TBL1XR1: variants seen among roughly 807,000 people sequenced by gnomAD.
TBL1XR1 encodes TBL1X/Y related 1, also known as F-box-like/WD repeat-containing protein TBL1XR1.
Under a neutral mutation model 66.9 loss-of-function variants are expected in TBL1XR1, and 5 were observed. The ratio of observed to expected loss-of-function variants is 0.07; its 90% CI spans 0.04 to 0.16. The LOEUF (loss-of-function observed/expected upper bound fraction) is 0.16. Ranked by LOEUF, TBL1XR1 falls within the 10% of genes least tolerant of loss-of-function variation. TBL1XR1 has a pLI of 1.00. For synonymous variants in TBL1XR1, 210 were observed against 206.0 expected (o/e 1.02, Z -0.17); for missense variants, 238 against 623.2 (o/e 0.38, Z 6.58).
chr3:177,077,262 ATAATAGTT>A lies in TBL1XR1; in HGVS notation c.-45-12248_-45-12241del, dbSNP rs1720810983. Among the ~76,000 whole-genome samples the A allele has an allele frequency of 2.6e-5, 4 of 152,330 alleles. No homozygotes were observed. The South Asian group carries it at 8.3e-4, about 32-fold the overall frequency. Reference sequence around the variant, plus strand: ...TTAAACTGCTTTTGGTAGTCTTATAATAATAGTTTTATTAGTATTATTAACTTGAAACT... The same window carrying A: ...TTAAACTGCTTTTGGTAGTCTTATAATTATTAGTATTATTAACTTGAAACT... On this transcript the variant is annotated intron_variant, in intron 2 of 15. Transcript: ENST00000457928.
Position 177,046,163 on chromosome 3 carries a change from A to G in TBL1XR1, c.891T>C (p.Thr297=). The G allele has an allele frequency of 6.5e-7, 1 of 1,540,470 alleles. No homozygotes were observed. Among genetic ancestry groups the G allele is most frequent in the South Asian group, 1.2e-5 (1 of 80,056 alleles). ...AAGGAAACTGTTGCTTGGCTTCACC[A>G]GTATGTGCGTCCCAAATAATTGTAG... is the stretch of plus-strand genomic sequence containing the variant. ...DKTTIIWDAH[T]GEAKQQFPFH... Residue 297 remains threonine (T), a synonymous_variant, in exon 10 of 16, where the codon ACT becomes ACC. Coordinates refer to ENST00000457928, the MANE Select transcript of TBL1XR1 (RefSeq NM_024665.7).
At chr3:177,163,708 G>C (rs1012389614) in intron 1 of TBL1XR1, among the ~76,000 whole-genome samples, 1 of 152,204 alleles carries the variant, frequency 6.6e-6, no homozygotes, top group Admixed American at 6.5e-5. Context: ...ACTGATGACA[G>C]TGGTTAGCTC....
chr3:177,033,155 A>T lies in TBL1XR1; in HGVS notation c.1251-19T>A, dbSNP rs1714245968. 6.6e-7 allele frequency: 1 copy of T among 1,503,862 alleles called. No individual in the cohort carries two copies. Among genetic ancestry groups the T allele is most frequent in the African/African-American group, 1.4e-5 (1 of 72,212 alleles). 93.2% of individuals were successfully genotyped at this position (1,503,862 alleles called of 1,614,324 possible). On this transcript the variant is annotated intron_variant, in intron 13 of 15. Coordinates refer to ENST00000457928, the MANE Select transcript of TBL1XR1 (RefSeq NM_024665.7). ...GGATGCACTGAAAAAGGAAGGAAAG[A>T]AAGTTAATTTATAAGTAAGGAAATA... is the stretch of plus-strand genomic sequence containing the variant.
At chr3:177,135,611 T>C (rs1444917901) in intron 1 of TBL1XR1, among the ~76,000 whole-genome samples, 3 of 146,998 alleles carry the variant, frequency 2.0e-5, no homozygotes, top group Non-Finnish European at 4.5e-5. Context: ...CTCGATCTCC[T>C]GACCTCGTGA....
At chr3:177,199,453 C>T (rs1215617642), upstream of TBL1XR1, among the ~76,000 whole-genome samples, 1 of 151,234 alleles carries the variant, frequency 6.6e-6, no homozygotes, top group Non-Finnish European at 1.5e-5. Context: ...TAAACTATCT[C>T]GGTGGAGCCA....
intron 1 of TBL1XR1, among the ~76,000 whole-genome samples, chr3:177,181,026 C>A (rs1013241260): frequency 1.3e-4 from 20 of 152,038 alleles, no homozygotes; most frequent in African/African-American, 4.8e-4. Context: ...TGACCCATGG[C>A]ACTGGACCCC....
chr3:177,048,798 T>C (rs999090751), intron 7 of TBL1XR1, among the ~76,000 whole-genome samples: 1 of 152,208 alleles, frequency 6.6e-6, no homozygotes, highest in Non-Finnish European at 1.5e-5. Context: ...CCCACACTTT[T>C]CAAAACTATA....
At chr3:177,041,099 C>G (rs1577001517) in intron 10 of TBL1XR1, 1 of 152,266 alleles carries the variant, frequency 6.6e-6, no homozygotes, top group East Asian at 1.9e-4. Flanking sequence ...GAGTAAGTTG[C>G]AGGCTGTATT....
chr3:177,146,308 G>A (rs1007002175), intron 1 of TBL1XR1, among the ~76,000 whole-genome samples: 1 of 151,838 alleles, frequency 6.6e-6, no homozygotes, highest in Admixed American at 6.6e-5. Flanking sequence ...GTTTTGAGAT[G>A]GGAGTTTTGC....
chr3:177,085,644 T>C (rs893499303), intron 2 of TBL1XR1, among the ~76,000 whole-genome samples: 1 of 151,964 alleles, frequency 6.6e-6, no homozygotes, highest in Admixed American at 6.5e-5. Context: ...TCTAAGACAA[T>C]AGGATGTATA....
chr3:177,027,488 G>A (rs1713307753), intron 14 of TBL1XR1: 1 of 152,114 alleles, frequency 6.6e-6, no homozygotes, highest in Admixed American at 6.6e-5. Context: ...AATATAACAG[G>A]ACAAAGATCA....
At chr3:177,073,121 A>G (rs998209666) in intron 2 of TBL1XR1, among the ~76,000 whole-genome samples, 5 of 152,210 alleles carry the variant, frequency 3.3e-5, no homozygotes, top group African/African-American at 1.2e-4. Context: ...TTAATATCTG[A>G]TACATTTAAT....
chr3:177,038,037 T>C (rs2108435953), intron 12 of TBL1XR1, 61 bp downstream of exon 12: 2 of 1,465,610 alleles, frequency 1.4e-6, no homozygotes, highest in Non-Finnish European at 1.9e-6. Flanking sequence ...GGTCTTAAAA[T>C]GGCCAGAGCA....
chr3:177,026,189 A>C (rs1713097685), intron 15 of TBL1XR1, 184 bp downstream of exon 15: 2 of 580,630 alleles, frequency 3.4e-6, no homozygotes, highest in South Asian at 2.3e-5. Context: ...AGGACAGCCT[A>C]AATTTTGTTT....
chr3:177,082,738 T>TTGTATATATATATATA (rs1450061640), intron 2 of TBL1XR1, among the ~76,000 whole-genome samples: 2 of 63,234 alleles, frequency 3.2e-5, no homozygotes, highest in African/African-American at 1.3e-4. Context: ...AAGATAGAGA[T>TTGTATATATATATATA]TATATATATA....
At chr3:177,189,051 C>CA (rs1440669883) in intron 1 of TBL1XR1, among the ~76,000 whole-genome samples, 5 of 151,350 alleles carry the variant, frequency 3.3e-5, no homozygotes, top group African/African-American at 1.2e-4. Flanking sequence ...ACTAAAAATA[C>CA]AAAAAAATTA....
chr3:177,040,166 T>C (rs1028520032), intron 10 of TBL1XR1, among the ~76,000 whole-genome samples: 1 of 151,994 alleles, frequency 6.6e-6, no homozygotes, highest in Non-Finnish European at 1.5e-5. Context: ...AAATAAAAAA[T>C]TAGCCAGGTG....
chr3:177,117,041 G>A (rs990227847), intron 1 of TBL1XR1, among the ~76,000 whole-genome samples: 4 of 152,100 alleles, frequency 2.6e-5, no homozygotes, highest in African/African-American at 9.7e-5. Flanking sequence ...ACTGCTATTG[G>A]CATTCCGAAA....
intron 10 of TBL1XR1, among the ~76,000 whole-genome samples, chr3:177,042,486 G>C (rs1432253069): frequency 6.6e-6 from 1 of 152,110 alleles, no homozygotes; most frequent in East Asian, 1.9e-4. Context: ...TGGGATGTAG[G>C]AAATGTTGCA....
Sources: gnomAD v4.1 joint callset for allele counts (sites outside exome capture counted in the v4.1 genomes callset) on GRCh38, gnomAD v4.1.1 for gene constraint, MANE v1.5 for transcripts, NCBI Gene and HGNC (gene_info 2026-07-23, HGNC 2026-07-21) for gene names.